The following HERC3 variants were observed in gnomAD, a reference collection of about 807,000 sequenced individuals.
HERC3 encodes HECT and RLD domain containing E3 ubiquitin protein ligase 3.
HERC3 carries 58 observed loss-of-function variants against 129.9 expected under a neutral mutation model. The observed-to-expected ratio is 0.45, with a 90% CI of 0.36 to 0.56. HERC3 has a LOEUF of 0.56. Ranked by LOEUF, HERC3 falls within the 20% of genes least tolerant of loss-of-function variation. The pLI is 0.00. For missense variants in HERC3, 835 were observed against 1,244.2 expected (o/e 0.67, Z 4.95); for synonymous variants, 430 against 451.0 (o/e 0.95, Z 0.59).
the HERC3 span, among the ~76,000 whole-genome samples, chr4:88,531,629 TGAA>T: frequency 6.6e-6 from 1 of 152,202 alleles, no homozygotes. Flanking sequence ...CCCTCCTATT[TGAA>T]GAAGTTGGAA....
intron 1 of HERC3, among the ~76,000 whole-genome samples, chr4:88,594,271 T>A (rs1014744926): frequency 2.6e-5 from 4 of 152,250 alleles, no homozygotes; most frequent in African/African-American, 9.6e-5. Context: ...TAAAAACTTT[T>A]TTTATACTTA....
the HERC3 span, among the ~76,000 whole-genome samples, chr4:88,564,166 T>C: frequency 1.3e-5 from 2 of 152,244 alleles, no homozygotes; most frequent in Non-Finnish European, 2.9e-5. Flanking sequence ...ATTATCTTTT[T>C]AATGTTTTGT....
intron 23 of HERC3, among the ~76,000 whole-genome samples, chr4:88,688,545 A>G (rs1733720827): frequency 6.6e-6 from 1 of 152,172 alleles, no homozygotes; most frequent in African/African-American, 2.4e-5. Flanking sequence ...AGAGTTATAT[A>G]TTGATAATAA....
chr4:88,702,887 A>C (rs1735446231), intron 23 of HERC3, among the ~76,000 whole-genome samples: 1 of 152,220 alleles, frequency 6.6e-6, no homozygotes, highest in Non-Finnish European at 1.5e-5. Context: ...TCCTATGGAC[A>C]ATGGCCAGGC....
chr4:88,567,566 G>C, the HERC3 span, among the ~76,000 whole-genome samples: 3 of 151,956 alleles, frequency 2.0e-5, no homozygotes, highest in Non-Finnish European at 4.4e-5. Flanking sequence ...CAATTTTGCT[G>C]TTGAGAGACT....
At chr4:88,636,741 A>G (rs1020134587) in intron 3 of HERC3, among the ~76,000 whole-genome samples, 8 of 152,242 alleles carry the variant, frequency 5.3e-5, no homozygotes, top group South Asian at 2.1e-4. Context: ...CATAATTGGA[A>G]GTAAAACACA....
chr4:88,692,763 A>G, intron 23 of HERC3: 1 of 268,838 alleles, frequency 3.7e-6, no homozygotes. Context: ...TTACACAGCT[A>G]GAAGTCCAGG....
At chr4:88,639,187 G>C (rs191388037) in intron 3 of HERC3, among the ~76,000 whole-genome samples, 1 of 152,104 alleles carries the variant, frequency 6.6e-6, no homozygotes, top group East Asian at 1.9e-4. Context: ...TATAGATTCA[G>C]TGCTATTCCC....
chr4:88,553,492 CTT>C, the HERC3 span, among the ~76,000 whole-genome samples: 1 of 152,070 alleles, frequency 6.6e-6, no homozygotes, highest in Admixed American at 6.5e-5. Context: ...AGGATACTGA[CTT>C]TTAAAAGAAT....
intron 20 of HERC3, 104 bp from the exon 21 acceptor site, chr4:88,681,055 C>A: frequency 3.4e-6 from 5 of 1,468,760 alleles, no homozygotes; most frequent in South Asian, 1.4e-5. Flanking sequence ...ATTAATGAGA[C>A]CTTTATTCTT....
intron 23 of HERC3, among the ~76,000 whole-genome samples, chr4:88,700,939 T>G (rs930232480): frequency 6.6e-6 from 1 of 152,148 alleles, no homozygotes; most frequent in Non-Finnish European, 1.5e-5. Flanking sequence ...TTATGGAGGG[T>G]AACCTGCTTT....
the HERC3 span, among the ~76,000 whole-genome samples, chr4:88,544,204 G>GA: frequency 6.6e-6 from 1 of 152,070 alleles, no homozygotes; most frequent in African/African-American, 2.4e-5. Context: ...AATCTACAAG[G>GA]AATGAAAACA....
the HERC3 span, among the ~76,000 whole-genome samples, chr4:88,550,106 T>C: frequency 6.6e-6 from 1 of 152,160 alleles, no homozygotes; most frequent in Non-Finnish European, 1.5e-5. Context: ...AATGAGGAAC[T>C]TGGGGAGGGA....
chr4:88,676,420 G>A lies in HERC3; in HGVS notation c.2022G>A (p.Met674Ile), dbSNP rs1372234894. The A allele has an allele frequency of 6.3e-7, 1 of 1,593,218 alleles. No homozygotes were observed. The highest frequency in any genetic ancestry group is 8.6e-7 in the Non-Finnish European group (1 of 1,161,666). Residue 674 changes from methionine to isoleucine, a missense_variant, in exon 18 of 26, where the codon ATG becomes ATA. Coordinates refer to ENST00000402738, the MANE Select transcript of HERC3 (RefSeq NM_014606.3). ...KMLQTDAELQMQVAVNGANLQ... is the reference protein window; with the variant it reads ...KMLQTDAELQIQVAVNGANLQ... Reference sequence around the variant, plus strand: ...TACAGACAGATGCTGAACTACAGATGCAGGTATCATATTTTAGAAATTATT... The same window carrying A: ...TACAGACAGATGCTGAACTACAGATACAGGTATCATATTTTAGAAATTATT...
chr4:88,667,355 CT>C, intron 12 of HERC3, 21 bp from the exon 13 acceptor site: 1 of 1,357,108 alleles, frequency 7.4e-7, no homozygotes, highest in South Asian at 1.2e-5. Flanking sequence ...TATTATATAC[CT>C]TTTTGATTTT....
intron 22 of HERC3, 144 bp from the exon 23 acceptor site, chr4:88,687,073 T>A: frequency 1.5e-6 from 1 of 673,414 alleles, no homozygotes; most frequent in Non-Finnish European, 2.5e-6. Context: ...GTTTTCTGAC[T>A]CAAGTTCTGA....
chr4:88,652,759 G>C (rs1729428835), intron 5 of HERC3, 110 bp from the exon 6 acceptor site: 1 of 1,088,426 alleles, frequency 9.2e-7, no homozygotes, highest in Admixed American at 2.7e-5. Context: ...TTTGCTCTTG[G>C]GTGGGTTTGG....
intron 23 of HERC3, chr4:88,693,713 A>G (rs918108673): frequency 1.0e-6 from 1 of 982,398 alleles, no homozygotes; most frequent in Non-Finnish European, 1.2e-6. Context: ...GTACATTCTC[A>G]GGCAGAGAGA....
the HERC3 span, among the ~76,000 whole-genome samples, chr4:88,572,860 ATAAT>A: frequency 6.6e-6 from 1 of 152,072 alleles, no homozygotes; most frequent in Non-Finnish European, 1.5e-5. Context: ...CATGAAGCCT[ATAAT>A]TAAAGTTATA....
Sources: gnomAD v4.1 joint callset for allele counts (sites outside exome capture counted in the v4.1 genomes callset) on GRCh38, gnomAD v4.1.1 for gene constraint, MANE v1.5 for transcripts, NCBI Gene and HGNC (gene_info 2026-07-23, HGNC 2026-07-21) for gene names.